GABRB1: variants seen among roughly 807,000 people sequenced by gnomAD.
GABRB1 encodes the protein gamma-aminobutyric acid type A receptor subunit beta1.
In GABRB1, 17 loss-of-function variants were observed where a neutral mutation model predicts 51.6. The observed-to-expected ratio is 0.33, with a 90% CI of 0.23 to 0.49. The LOEUF (loss-of-function observed/expected upper bound fraction) is 0.49. Among genes scored for constraint, GABRB1 ranks in the 20% least tolerant of loss-of-function variants. GABRB1 has a pLI of 0.99. For missense variants in GABRB1, 410 were observed against 600.6 expected (o/e 0.68, Z 3.32); for synonymous variants, 247 against 218.9 (o/e 1.13, Z -1.14).
chr4:47,031,118 T>C (rs1306913886), upstream of GABRB1, among the ~76,000 whole-genome samples: 1 of 151,856 alleles, frequency 6.6e-6, no homozygotes, highest in Non-Finnish European at 1.5e-5. Context: ...CCGTTCCCTC[T>C]CTCTCCACTC....
chr4:47,171,430 A>G (rs1178240158), intron 4 of GABRB1, among the ~76,000 whole-genome samples: 1 of 152,140 alleles, frequency 6.6e-6, no homozygotes, highest in Admixed American at 6.6e-5. Flanking sequence ...GATTCTGAAA[A>G]CCATTTATGA....
At chr4:47,316,152 A>T (rs1429935072) in intron 4 of GABRB1, among the ~76,000 whole-genome samples, 1 of 151,874 alleles carries the variant, frequency 6.6e-6, no homozygotes, top group African/African-American at 2.4e-5. Context: ...TTGAGGTAAA[A>T]TATACATATA....
At chr4:47,402,846 A>G (rs1393442401) in intron 5 of GABRB1, among the ~76,000 whole-genome samples, 1 of 150,920 alleles carries the variant, frequency 6.6e-6, no homozygotes, top group Admixed American at 6.6e-5. Flanking sequence ...TAATGTCTTA[A>G]TCATGTAATG....
At chr4:47,183,626 C>A (rs1015798243) in intron 4 of GABRB1, among the ~76,000 whole-genome samples, 12 of 151,646 alleles carry the variant, frequency 7.9e-5, no homozygotes, top group Middle Eastern at 6.3e-3. Context: ...TAAATACCTT[C>A]TTTTCCTTCC....
intron 3 of GABRB1, among the ~76,000 whole-genome samples, chr4:47,138,904 A>G (rs906194413): frequency 6.6e-6 from 1 of 152,022 alleles, no homozygotes; most frequent in Non-Finnish European, 1.5e-5. Flanking sequence ...TTTGCCATTA[A>G]AATGTTTAAA....
chr4:47,304,505 A>G (rs138872948), intron 4 of GABRB1, among the ~76,000 whole-genome samples: 4 of 152,084 alleles, frequency 2.6e-5, no homozygotes, highest in East Asian at 3.9e-4. Context: ...ATTGATTTGT[A>G]TGAGTTTCTT....
intron 3 of GABRB1, among the ~76,000 whole-genome samples, chr4:47,160,492 G>A (rs1717895508): frequency 6.6e-6 from 1 of 152,076 alleles, no homozygotes; most frequent in Non-Finnish European, 1.5e-5. Context: ...AAAAGAATTT[G>A]GGGTGTGAAA....
chr4:47,112,441 A>T (rs1007592322), intron 3 of GABRB1, among the ~76,000 whole-genome samples: 7 of 152,212 alleles, frequency 4.6e-5, no homozygotes, highest in Non-Finnish European at 1.0e-4. Context: ...ACTATATAGC[A>T]GAAAGTGAAT....
Position 47,068,820 on chromosome 4 carries a change from T to TA in GABRB1, c.240+36344dup, listed in dbSNP as rs374348987. 2.9e-3 allele frequency among the ~76,000 whole-genome samples: 440 copies of TA among 152,040 alleles called. 3 individuals are homozygous for TA. Among genetic ancestry groups the TA allele is most frequent in the African/African-American group, 9.1e-3 (379 of 41,478 alleles). On this transcript the variant is annotated intron_variant, in intron 3 of 8. Transcript: ENST00000295454. ...AGGCATGAAGTGAGCACATGCTGTT[T>TA]AAAAAAAATGGCACCAATAACTTGC...
chr4:47,024,244 C>T (rs537021019), intron 1 of GABRB1, among the ~76,000 whole-genome samples: 2 of 151,924 alleles, frequency 1.3e-5, no homozygotes, highest in East Asian at 1.9e-4. Context: ...TAATTTTCTG[C>T]TTCTGGAATT....
intron 4 of GABRB1, among the ~76,000 whole-genome samples, chr4:47,231,961 T>C (rs1245840202): frequency 6.6e-6 from 1 of 152,192 alleles, no homozygotes; most frequent in Non-Finnish European, 1.5e-5. Context: ...TAAGCCCTTT[T>C]GTAGAGCATC....
intron 4 of GABRB1, among the ~76,000 whole-genome samples, chr4:47,215,785 T>G (rs1479425790): frequency 6.6e-6 from 1 of 152,070 alleles, no homozygotes; most frequent in Non-Finnish European, 1.5e-5. Context: ...TTTAGAAAAT[T>G]TATTCACAAT....
At chr4:47,013,859 G>A (rs890567368) in intron 1 of GABRB1, among the ~76,000 whole-genome samples, 1 of 152,168 alleles carries the variant, frequency 6.6e-6, no homozygotes, top group Non-Finnish European at 1.5e-5. Flanking sequence ...TTTATGTGGA[G>A]TTGCACCAAA....
intron 3 of GABRB1, among the ~76,000 whole-genome samples, chr4:47,099,687 C>T (rs923534117): frequency 6.6e-6 from 1 of 151,980 alleles, no homozygotes; most frequent in African/African-American, 2.4e-5. Flanking sequence ...GGAAAAGTCT[C>T]TGTAGAGCTG....
chr4:47,092,584 A>G lies in GABRB1; in HGVS notation c.240+60100A>G, dbSNP rs141886874. On this transcript the variant is annotated intron_variant, in intron 3 of 8. Transcript: ENST00000295454. Reference sequence around the variant, plus strand: ...TGTGAATCTGAGGTCACTTTTGCAGATATCAGTTGGCATCCAGTTTCTTTC... The same window carrying G: ...TGTGAATCTGAGGTCACTTTTGCAGGTATCAGTTGGCATCCAGTTTCTTTC... Among the ~76,000 whole-genome samples the G allele has an allele frequency of 5.1e-3, 767 of 151,572 alleles. 6 individuals carry two copies. Among genetic ancestry groups the G allele is most frequent in the Middle Eastern group, 0.021 (6 of 292 alleles).
At chr4:47,356,230 T>C (rs927018115) in intron 5 of GABRB1, among the ~76,000 whole-genome samples, 1 of 152,048 alleles carries the variant, frequency 6.6e-6, no homozygotes, top group Admixed American at 6.6e-5. Context: ...AGCACAGTGC[T>C]TCATACAAAG....
intron 3 of GABRB1, among the ~76,000 whole-genome samples, chr4:47,071,397 A>T (rs6447530): frequency 6.6e-6 from 1 of 152,030 alleles, no homozygotes; most frequent in East Asian, 1.9e-4. Context: ...AATTACAAGC[A>T]TTAGTTTGGC....
intron 3 of GABRB1, among the ~76,000 whole-genome samples, chr4:47,044,286 G>T (rs1388140762): frequency 2.0e-5 from 3 of 151,992 alleles, no homozygotes; most frequent in Admixed American, 6.6e-5. Flanking sequence ...TCAGTGTCCA[G>T]TGGGCAGTAT....
At chr4:47,103,437 C>A (rs1418440156) in intron 3 of GABRB1, among the ~76,000 whole-genome samples, 2 of 151,902 alleles carry the variant, frequency 1.3e-5, no homozygotes, top group African/African-American at 4.8e-5. Flanking sequence ...ATTGAACTAA[C>A]ACTTTTTGTG....
Sources: gnomAD v4.1 joint callset for allele counts (sites outside exome capture counted in the v4.1 genomes callset) on GRCh38, gnomAD v4.1.1 for gene constraint, MANE v1.5 for transcripts, NCBI Gene and HGNC (gene_info 2026-07-23, HGNC 2026-07-21) for gene names.